ADAMTS9: variants seen among roughly 807,000 people sequenced by gnomAD.
The protein encoded by ADAMTS9 is ADAM metallopeptidase with thrombospondin type 1 motif 9.
ADAMTS9 carries 107 observed loss-of-function variants against 257.1 expected under a neutral mutation model. The ratio of observed to expected loss-of-function variants is 0.42; its 90% CI spans 0.36 to 0.49. The LOEUF is 0.49. Among genes scored for constraint, ADAMTS9 ranks in the 20% least tolerant of loss-of-function variants. The pLI, the probability that ADAMTS9 is intolerant of heterozygous loss-of-function variation, is 0.03. For missense variants in ADAMTS9, 2,353 were observed against 2,469.1 expected, an observed-to-expected ratio of 0.95 and a Z score of 1.00; for synonymous variants, 982 against 880.9, an observed-to-expected ratio of 1.11 and a Z score of -2.03.
intron 28 of ADAMTS9, chr3:64,583,775 C>T (rs1434857462): frequency 6.6e-6 from 1 of 152,168 alleles, no homozygotes. Flanking sequence ...GGTCAGGGCA[C>T]ACAGAGATTC....
intron 23 of ADAMTS9, among the ~76,000 whole-genome samples, 171 bp downstream of exon 23, chr3:64,606,789 C>G (rs1429195570): frequency 6.6e-6 from 1 of 152,174 alleles, no homozygotes; most frequent in Non-Finnish European, 1.5e-5. Context: ...AAAACTGACA[C>G]AAGATATTTG....
chr3:64,520,172 C>T (rs534570743), intron 39 of ADAMTS9, among the ~76,000 whole-genome samples: 4 of 152,158 alleles, frequency 2.6e-5, no homozygotes, highest in Non-Finnish European at 5.9e-5. Flanking sequence ...AGAACCAAAT[C>T]AAGAATGCAA....
At chr3:64,677,780 A>G (rs4257545) in intron 3 of ADAMTS9, among the ~76,000 whole-genome samples, 3,071 of 152,260 alleles carry the variant, frequency 0.02, 98 homozygotes, top group African/African-American at 0.071. Context: ...AAGTCATACA[A>G]CTAACCAGGA....
In ADAMTS9 at chr3:64,658,811, A is replaced by G. The variant is rs199964882; in HGVS notation, c.680-20T>C. The G allele has an allele frequency of 6.3e-7, 1 of 1,591,238 alleles. No individual in the cohort carries two copies. Among genetic ancestry groups the G allele is most frequent in the African/African-American group, 1.4e-5 (1 of 73,568 alleles). ...TGTGTTCTGTAACAAATCAGATGGTATGCATTACATTTCAAGCCACATCTA... is the reference window on the plus strand; with the variant it reads ...TGTGTTCTGTAACAAATCAGATGGTGTGCATTACATTTCAAGCCACATCTA... On this transcript the variant is annotated intron_variant, in intron 3 of 39. Coordinates refer to ENST00000498707, the MANE Select transcript of ADAMTS9 (RefSeq NM_182920.2).
At chr3:64,561,908 A>T (rs1189213763) in intron 29 of ADAMTS9, 157 bp from the exon 30 acceptor site, 1 of 661,668 alleles carries the variant, frequency 1.5e-6, no homozygotes, top group African/African-American at 1.8e-5. Flanking sequence ...GGGATCCTAG[A>T]TCATGTCTTA....
At chr3:64,579,934 A>T (rs2083951648) in intron 28 of ADAMTS9, among the ~76,000 whole-genome samples, 1 of 152,208 alleles carries the variant, frequency 6.6e-6, no homozygotes, top group South Asian at 2.1e-4. Flanking sequence ...AAAGAAGCCG[A>T]CAAGAGGCAG....
intron 36 of ADAMTS9, among the ~76,000 whole-genome samples, chr3:64,540,671 C>G (rs79151038): frequency 1.3e-5 from 2 of 152,178 alleles, no homozygotes; most frequent in East Asian, 1.9e-4. Flanking sequence ...CTGCTTCCCC[C>G]ACACTGACCC....
intron 28 of ADAMTS9, among the ~76,000 whole-genome samples, chr3:64,570,545 T>C (rs1445824866): frequency 6.6e-6 from 1 of 151,076 alleles, no homozygotes; most frequent in Admixed American, 6.6e-5. Context: ...ACAGTGTGAG[T>C]GGAAATGAGA....
At chr3:64,617,560 T>C (rs1049182435) in intron 19 of ADAMTS9, among the ~76,000 whole-genome samples, 1 of 152,148 alleles carries the variant, frequency 6.6e-6, no homozygotes, top group African/African-American at 2.4e-5. Flanking sequence ...GGACATAAAA[T>C]ACAATTGTAT....
At chr3:64,640,833 C>A (rs945581685) in intron 12 of ADAMTS9, among the ~76,000 whole-genome samples, 2 of 151,936 alleles carry the variant, frequency 1.3e-5, no homozygotes, top group Non-Finnish European at 2.9e-5. Flanking sequence ...CCTTCCCCCA[C>A]CCTCCACCCC....
intron 3 of ADAMTS9, among the ~76,000 whole-genome samples, chr3:64,672,178 C>T (rs913268466): frequency 2.6e-5 from 4 of 152,218 alleles, no homozygotes; most frequent in African/African-American, 9.6e-5. Flanking sequence ...GCGTCTTAGC[C>T]AGTTTCAGAT....
chr3:64,670,735 G>A (rs1317290000), intron 3 of ADAMTS9, among the ~76,000 whole-genome samples: 1 of 152,166 alleles, frequency 6.6e-6, no homozygotes, highest in African/African-American at 2.4e-5. Flanking sequence ...CACCAAAAAA[G>A]ATACATGGAT....
chr3:64,544,733 T>A (rs1256066220), intron 32 of ADAMTS9, among the ~76,000 whole-genome samples: 1 of 151,910 alleles, frequency 6.6e-6, no homozygotes, highest in Non-Finnish European at 1.5e-5. Flanking sequence ...AACACCAAAA[T>A]CAATGGCAAC....
intron 36 of ADAMTS9, among the ~76,000 whole-genome samples, chr3:64,539,892 C>G (rs918442500): frequency 1.3e-5 from 2 of 152,200 alleles, no homozygotes; most frequent in African/African-American, 2.4e-5. Flanking sequence ...ACAAGGCTAA[C>G]CCAAAGTGCA....
chr3:64,626,953 GTT>G (rs926764860), intron 16 of ADAMTS9, among the ~76,000 whole-genome samples: 2 of 152,174 alleles, frequency 1.3e-5, no homozygotes, highest in African/African-American at 4.8e-5. Context: ...AGCCAAGGTT[GTT>G]TCCGTGGCAC....
chr3:64,622,186 C>A lies in ADAMTS9; in HGVS notation c.2686+12G>T. 6.3e-7 allele frequency: 1 copy of A among 1,594,002 alleles called. No individual in the cohort carries two copies. The highest frequency in any genetic ancestry group is 8.5e-7 in the Non-Finnish European group (1 of 1,170,172). ...TTCTCAAATCCCCAGAACTCAAATT[C>A]AAAGCAGATACCTTGGCAGGGTTTA... On this transcript the variant is annotated intron_variant, in intron 18 of 39. Transcript: ENST00000498707.
At chr3:64,619,890 A>AT (rs1361319188) in intron 19 of ADAMTS9, among the ~76,000 whole-genome samples, 2 of 152,216 alleles carry the variant, frequency 1.3e-5, no homozygotes, top group Admixed American at 6.5e-5. Flanking sequence ...TTAACTAATT[A>AT]TTTTTTCCTG....
intron 24 of ADAMTS9, 44 bp from the exon 25 acceptor site, chr3:64,604,133 G>T: frequency 6.2e-7 from 1 of 1,609,336 alleles, no homozygotes; most frequent in Non-Finnish European, 8.5e-7. Flanking sequence ...ACGTGGAATG[G>T]CTGCTTACTG....
intron 31 of ADAMTS9, among the ~76,000 whole-genome samples, chr3:64,549,717 C>T (rs184555433): frequency 6.6e-6 from 1 of 152,284 alleles, no homozygotes; most frequent in East Asian, 1.9e-4. Flanking sequence ...TAGCCCCATC[C>T]CTGGCCTCCA....
Sources: allele counts gnomAD v4.1 joint callset (sites outside exome capture counted in the v4.1 genomes callset), GRCh38; gene constraint gnomAD v4.1.1; transcripts MANE v1.5; gene names NCBI Gene and HGNC (gene_info 2026-07-23, HGNC 2026-07-21).